IKBKG: variants seen among roughly 807,000 people sequenced by gnomAD.
IKBKG encodes the protein NF-kappa-B essential modulator.
A neutral mutation model predicts 13.7 loss-of-function variants in IKBKG; 2 were observed. That is an observed-to-expected ratio of 0.15 (90% CI 0.06 to 0.46). The LOEUF is 0.46. IKBKG is among the 20% of genes least tolerant of loss of function. The pLI is 0.98. For missense variants in IKBKG, 53 were observed against 150.3 expected (o/e 0.35, Z 3.39); for synonymous variants, 22 against 64.4 (o/e 0.34, Z 3.15).
At chrX:154,547,835 T>C in intron 1 of IKBKG, 90 bp downstream of exon 1, 1 of 754,627 alleles carries the variant, frequency 1.3e-6, no homozygotes, top group Non-Finnish European at 1.6e-6. Flanking sequence ...TCCCCCCTCT[T>C]TTTTGGGCCC....
intron 1 of IKBKG, among the ~76,000 whole-genome samples, chrX:154,542,085 G>A (rs1418455701): frequency 8.9e-6 from 1 of 112,448 alleles, no homozygotes; most frequent in Non-Finnish European, 1.9e-5. Context: ...ATACCCGGGG[G>A]CTCATGAGTC....
chrX:154,555,499 C>T (rs1284322514), intron 2 of IKBKG, among the ~76,000 whole-genome samples: 5 of 112,791 alleles, frequency 4.4e-5, no homozygotes, highest in South Asian at 3.6e-4. Context: ...TTGAGGCCAA[C>T]GATGTGAGAC....
At chrX:154,547,991 CCT>C in intron 1 of IKBKG, 1 of 754,893 alleles carries the variant, frequency 1.3e-6, no homozygotes, top group Non-Finnish European at 1.6e-6. Context: ...TGTGAGGACT[CCT>C]CTAGTTCAGA....
chrX:154,542,237 G>C, intron 1 of IKBKG: 1 of 991,551 alleles, frequency 1.0e-6, no homozygotes, highest in African/African-American at 1.9e-5. Context: ...CCATCATTGG[G>C]ATGCGTCCTG....
At chrX:154,551,648 C>T (rs1459821486) in intron 1 of IKBKG, among the ~76,000 whole-genome samples, 2 of 111,587 alleles carry the variant, frequency 1.8e-5, no homozygotes, top group Non-Finnish European at 3.8e-5. Flanking sequence ...GGCCGGTACC[C>T]TCCACTTCTC....
At chrX:154,546,685 T>C, upstream of IKBKG, 1 of 682,668 alleles carries the variant, frequency 1.5e-6, no homozygotes, top group Non-Finnish European at 2.2e-6. Flanking sequence ...CTCTCGATTC[T>C]GCTCGGTTCT....
In IKBKG at chrX:154,552,081, C is replaced by G. The variant is rs1310775515; in HGVS notation, c.79C>G (p.Leu27Val). Reference sequence around the variant, plus strand: ...TGGCCCGGCAGCAGATCAGGACGTACTGGGCGAAGAGTCTCCTCTGGGGAA... The same window carrying G: ...TGGCCCGGCAGCAGATCAGGACGTAGTGGGCGAAGAGTCTCCTCTGGGGAA... The part of the protein sequence containing the change: ...SGGPAADQDV[L>V]GEESPLGKPA... The change falls in exon 2 of 10, where the codon CTG (leucine) becomes GTG (valine). Residue 27 changes from leucine to valine, a missense_variant. Leu to Val is a conservative substitution (Grantham distance 32). This residue lies in a region of IKBKG where 47 missense variants were observed against 50.0 expected (regional missense o/e 0.94). Transcript: ENST00000594239. 5 of 1,188,911 alleles carry G rather than the reference C, an allele frequency of 4.2e-6. No individual in the cohort carries two copies. In the Admixed American group the frequency reaches 8.9e-5, roughly 21 times the overall value.
At chrX:154,544,681 G>C (rs781993410), upstream of IKBKG, among the ~76,000 whole-genome samples, 1 of 112,152 alleles carries the variant, frequency 8.9e-6, no homozygotes, top group South Asian at 3.6e-4. Flanking sequence ...TACCTCTCCT[G>C]GGTCTCAGGC....
At chrX:154,542,562 T>G, upstream of IKBKG, 1 of 987,569 alleles carries the variant, frequency 1.0e-6, no homozygotes, top group Non-Finnish European at 1.3e-6. Flanking sequence ...GGAAGCTGGG[T>G]GTGTGGGCAA....
At chrX:154,550,566 C>T (rs1454004015) in intron 1 of IKBKG, among the ~76,000 whole-genome samples, 5 of 108,987 alleles carry the variant, frequency 4.6e-5, no homozygotes, top group Admixed American at 9.9e-5. Context: ...AGAAGATGTC[C>T]TAGGACAGAG....
chrX:154,547,313 G>C, upstream of IKBKG: 1 of 754,261 alleles, frequency 1.3e-6, no homozygotes, highest in Non-Finnish European at 1.6e-6. Flanking sequence ...GCCTGTTCGC[G>C]GGTCAAGCCG....
At chrX:154,547,282 G>A (rs1324923601), upstream of IKBKG, 52 of 729,729 alleles carry the variant, frequency 7.1e-5, no homozygotes, top group Non-Finnish European at 8.3e-5. Context: ...CTTCTGCCGC[G>A]CCACTCCCCC....
chrX:154,545,856 AGT>A, upstream of IKBKG: 2 of 460,805 alleles, frequency 4.3e-6, no homozygotes, highest in Non-Finnish European at 7.2e-6. Context: ...AAAAAAAAAA[AGT>A]CTTGCAAGTG....
At chrX:154,554,106 G>C (rs1183825558) in intron 2 of IKBKG, among the ~76,000 whole-genome samples, 1 of 113,018 alleles carries the variant, frequency 8.8e-6, no homozygotes, top group Middle Eastern at 4.2e-3. Context: ...CCATGTGTCA[G>C]GCCCTGGGCC....
intron 1 of IKBKG, among the ~76,000 whole-genome samples, chrX:154,541,814 T>C (rs1157428757): frequency 8.9e-6 from 1 of 112,607 alleles, no homozygotes; most frequent in Non-Finnish European, 1.9e-5. Context: ...GGCCATGACC[T>C]GTCTGTTTTA....
At chrX:154,543,600 T>C (rs1213581927), upstream of IKBKG, among the ~76,000 whole-genome samples, 1 of 112,138 alleles carries the variant, frequency 8.9e-6, no homozygotes, top group African/African-American at 3.2e-5. Context: ...CAACCTCAGT[T>C]ACCTTCTCCT....
chrX:154,543,105 C>T (rs112022908), upstream of IKBKG, among the ~76,000 whole-genome samples: 1,553 of 112,007 alleles, frequency 0.014, 35 homozygotes, highest in African/African-American at 0.047. Context: ...GTTCCAGGTG[C>T]TGCCTGAGCA....
chrX:154,546,791 G>A, upstream of IKBKG: 1 of 1,161,283 alleles, frequency 8.6e-7, no homozygotes, highest in Non-Finnish European at 1.1e-6. Context: ...CCGGTTACCT[G>A]CGCTTCGTCG....
intron 1 of IKBKG, among the ~76,000 whole-genome samples, chrX:154,548,645 C>T (rs1186969222): frequency 1.8e-5 from 2 of 112,156 alleles, no homozygotes; most frequent in African/African-American, 6.5e-5. Context: ...CTCACTCTAA[C>T]CTCCTCCTCC....
Sources: allele counts gnomAD v4.1 joint callset (sites outside exome capture counted in the v4.1 genomes callset), GRCh38; gene constraint gnomAD v4.1.1; regional missense constraint gnomAD v4.1.1; transcripts MANE v1.5; gene names NCBI Gene and HGNC (gene_info 2026-07-23, HGNC 2026-07-21).